The following ELMO1 variants were observed in gnomAD, a reference collection of about 807,000 sequenced individuals.
The protein encoded by ELMO1 is engulfment and cell motility protein 1.
In ELMO1, 26 loss-of-function variants were observed where a neutral mutation model predicts 98.9. That is an observed-to-expected ratio of 0.26 (90% CI 0.19 to 0.36). The LOEUF (loss-of-function observed/expected upper bound fraction) is 0.36, where lower values mean the gene tolerates loss of function less well. Among genes scored for constraint, ELMO1 ranks in the 10% least tolerant of loss-of-function variants. The pLI is 1.00. For synonymous variants in ELMO1, 346 were observed against 346.0 expected (o/e 1.00, Z 0.00); for missense variants, 627 against 935.2 (o/e 0.67, Z 4.30).
intron 17 of ELMO1, among the ~76,000 whole-genome samples, chr7:36,889,611 G>A (rs1805377874): frequency 6.6e-6 from 1 of 152,210 alleles, no homozygotes; most frequent in African/African-American, 2.4e-5. Context: ...CCAGGGTTGA[G>A]TTATTAAAAT....
At chr7:37,162,757 T>A (rs1433306024) in intron 13 of ELMO1, among the ~76,000 whole-genome samples, 1 of 152,192 alleles carries the variant, frequency 6.6e-6, no homozygotes, top group Admixed American at 6.5e-5. Context: ...AGAAGGTGTT[T>A]CTAGCCTTTG....
At chr7:36,934,865 A>G (rs556185307) in intron 16 of ELMO1, among the ~76,000 whole-genome samples, 1 of 152,348 alleles carries the variant, frequency 6.6e-6, no homozygotes, top group Admixed American at 6.5e-5. Context: ...CCAAGGTCTA[A>G]GCCGAGGAAG....
chr7:37,204,270 C>A, intron 13 of ELMO1: 1 of 453,666 alleles, frequency 2.2e-6, no homozygotes, highest in Non-Finnish European at 4.4e-6. Context: ...GATGGTGTGT[C>A]CAGAGTTTGT....
chr7:37,278,842 A>G (rs1796989394), intron 4 of ELMO1, among the ~76,000 whole-genome samples: 1 of 152,226 alleles, frequency 6.6e-6, no homozygotes, highest in African/African-American at 2.4e-5. Flanking sequence ...CAATCCAACC[A>G]GCATTTAACT....
At chr7:37,061,119 T>C (rs899568236) in intron 15 of ELMO1, among the ~76,000 whole-genome samples, 1 of 152,226 alleles carries the variant, frequency 6.6e-6, no homozygotes, top group Non-Finnish European at 1.5e-5. Flanking sequence ...AACAGAGTGC[T>C]CAGAGAACCA....
At chr7:36,928,961 C>A (rs992979319) in intron 16 of ELMO1, among the ~76,000 whole-genome samples, 28 of 152,218 alleles carry the variant, frequency 1.8e-4, no homozygotes, top group African/African-American at 6.8e-4. Flanking sequence ...TAGTCATGGG[C>A]AACCATCACC....
chr7:37,336,257 C>T (rs1800400356), intron 2 of ELMO1, among the ~76,000 whole-genome samples: 1 of 152,022 alleles, frequency 6.6e-6, no homozygotes, highest in South Asian at 2.1e-4. Flanking sequence ...ATCTAATGGT[C>T]CCCCCTCTAC....
chr7:36,991,400 G>A (rs1028395368), intron 16 of ELMO1, among the ~76,000 whole-genome samples: 1 of 152,210 alleles, frequency 6.6e-6, no homozygotes, highest in Non-Finnish European at 1.5e-5. Flanking sequence ...TGGGTCAGAG[G>A]TGTAGCCACT....
At chr7:37,298,410 G>C (rs1015809787) in intron 4 of ELMO1, among the ~76,000 whole-genome samples, 32 of 145,944 alleles carry the variant, frequency 2.2e-4, no homozygotes, top group East Asian at 6.2e-4. Flanking sequence ...CCACTAACTC[G>C]TCATCTAGCA....
At chr7:37,125,894 A>G (rs1447262936) in intron 14 of ELMO1, among the ~76,000 whole-genome samples, 1 of 152,242 alleles carries the variant, frequency 6.6e-6, no homozygotes, top group East Asian at 1.9e-4. Flanking sequence ...CTTGGAACCA[A>G]GCCAAATGTC....
At chr7:37,314,749 TA>T in intron 4 of ELMO1, 100 bp downstream of exon 4, 2 of 1,108,926 alleles carry the variant, frequency 1.8e-6, no homozygotes, top group Non-Finnish European at 2.6e-6. Flanking sequence ...AGTAGAGACC[TA>T]AAATTTAGAC....
intron 19 of ELMO1, among the ~76,000 whole-genome samples, chr7:36,872,366 C>T (rs1308100423): frequency 1.3e-5 from 2 of 152,162 alleles, no homozygotes; most frequent in Non-Finnish European, 2.9e-5. Context: ...GGTCTGTGTT[C>T]CTGAATGACT....
intron 15 of ELMO1, among the ~76,000 whole-genome samples, chr7:37,030,119 T>C (rs934835465): frequency 1.3e-5 from 2 of 152,128 alleles, no homozygotes; most frequent in African/African-American, 4.8e-5. Context: ...TCTCTCTTTT[T>C]AAAAATCTTC....
At chr7:37,165,320 A>C (rs140730160) in intron 13 of ELMO1, among the ~76,000 whole-genome samples, 94,835 of 150,116 alleles carry the variant, frequency 0.63, 32,554 homozygotes, top group Non-Finnish European at 0.76. Flanking sequence ...TAATTGAATA[A>C]CCTTTATTTC....
chr7:37,218,243 C>T (rs933673011), intron 10 of ELMO1, among the ~76,000 whole-genome samples: 1 of 152,002 alleles, frequency 6.6e-6, no homozygotes, highest in African/African-American at 2.4e-5. Context: ...GTCTATCAGT[C>T]TATAAAATTT....
chr7:37,109,620 T>C (rs779618471), intron 14 of ELMO1, among the ~76,000 whole-genome samples: 3 of 152,132 alleles, frequency 2.0e-5, no homozygotes, highest in African/African-American at 7.2e-5. Flanking sequence ...GCATTCCATG[T>C]TGGAGTGCAG....
intron 1 of ELMO1, among the ~76,000 whole-genome samples, chr7:37,350,842 G>A (rs1292599898): frequency 1.3e-5 from 2 of 152,168 alleles, no homozygotes; most frequent in Admixed American, 6.5e-5. Flanking sequence ...GAACACAGAA[G>A]GTACAGAGGG....
At chr7:37,246,492 A>C (rs540188816) in intron 6 of ELMO1, among the ~76,000 whole-genome samples, 1 of 152,182 alleles carries the variant, frequency 6.6e-6, no homozygotes, top group Non-Finnish European at 1.5e-5. Context: ...AAGAGATACC[A>C]TGTGCCATCA....
At chr7:37,072,871 A>G (rs925222487) in intron 15 of ELMO1, among the ~76,000 whole-genome samples, 1 of 152,230 alleles carries the variant, frequency 6.6e-6, no homozygotes, top group East Asian at 1.9e-4. Flanking sequence ...CCTTTCTCAT[A>G]AAAGAGCCAA....
Sources: allele counts gnomAD v4.1 joint callset (sites outside exome capture counted in the v4.1 genomes callset), GRCh38; gene constraint gnomAD v4.1.1; transcripts MANE v1.5; gene names NCBI Gene and HGNC (gene_info 2026-07-23, HGNC 2026-07-21).